Variants in SETBP1 observed in about 807,000 individuals in gnomAD.
SETBP1 encodes the protein SET binding protein 1.
A neutral mutation model predicts 101.0 loss-of-function variants in SETBP1; 9 were observed. The ratio of observed to expected loss-of-function variants is 0.09; its 90% CI spans 0.05 to 0.16. SETBP1 has a LOEUF of 0.16. Among genes scored for constraint, SETBP1 ranks in the 10% least tolerant of loss-of-function variants. SETBP1 has a pLI of 1.00. For synonymous variants in SETBP1, 818 were observed against 788.5 expected (o/e 1.04, Z -0.63); for missense variants, 1,858 against 2,033.8 (o/e 0.91, Z 1.66).
At chr18:44,857,717 C>T (rs2073006304) in intron 2 of SETBP1, among the ~76,000 whole-genome samples, 2 of 152,086 alleles carry the variant, frequency 1.3e-5, no homozygotes. Flanking sequence ...CTGAATCAGC[C>T]AGAAATTCTG....
chr18:44,864,724 G>C lies in SETBP1; in HGVS notation c.487-4506G>C, dbSNP rs7238777. 5.3e-5 allele frequency among the ~76,000 whole-genome samples: 8 copies of C among 152,084 alleles called. No individual in the cohort carries two copies. The South Asian group carries it at 1.5e-3, about 28-fold the overall frequency. On this transcript the variant is annotated intron_variant, in intron 2 of 5. Coordinates refer to ENST00000649279, the MANE Select transcript of SETBP1 (RefSeq NM_015559.3). Reference sequence around the variant, plus strand: ...CCCTCTCGACCCTCTAGCTGGGAGCGGTGCGGACATTTAGCCATCCTGGGA... The same window carrying C: ...CCCTCTCGACCCTCTAGCTGGGAGCCGTGCGGACATTTAGCCATCCTGGGA...
intron 2 of SETBP1, among the ~76,000 whole-genome samples, chr18:44,740,159 C>T (rs1245774509): frequency 1.3e-5 from 2 of 152,162 alleles, no homozygotes; most frequent in Non-Finnish European, 2.9e-5. Context: ...CATTGTGAGT[C>T]ATAGGGCTCC....
chr18:44,820,372 A>T, intron 2 of SETBP1, among the ~76,000 whole-genome samples: 1 of 152,096 alleles, frequency 6.6e-6, no homozygotes, highest in Admixed American at 6.5e-5. Context: ...GTAGCTTTTG[A>T]CTGGGTACTT....
At chr18:44,830,247 C>T (rs985195962) in intron 2 of SETBP1, among the ~76,000 whole-genome samples, 3 of 152,108 alleles carry the variant, frequency 2.0e-5, no homozygotes, top group Non-Finnish European at 2.9e-5. Context: ...GACCATGGGA[C>T]GTTTATTTTG....
chr18:44,946,991 C>T (rs973654825), intron 3 of SETBP1, among the ~76,000 whole-genome samples: 1 of 152,130 alleles, frequency 6.6e-6, no homozygotes, highest in Non-Finnish European at 1.5e-5. Flanking sequence ...AAATACCTGT[C>T]GTAAAATGTA....
Position 44,952,928 on chromosome 18 carries a change from G to C in SETBP1, c.3588G>C (p.Glu1196Asp), listed in dbSNP as rs779614926. 1.2e-6 allele frequency: 2 copies of C among 1,614,184 alleles called. No homozygotes were observed. Among genetic ancestry groups the C allele is most frequent in the South Asian group, 1.1e-5 (1 of 91,082 alleles). ...AGCGGCTGAGTAGCGCAGACAAAGA[G>C]CTCCCGCTGGTGAGTGAGAAGAACA... is the stretch of plus-strand genomic sequence containing the variant. ...LSERLSSADK[E>D]LPLVSEKNKH... Residue 1196 changes from glutamate (E) to aspartate (D), a missense_variant, in exon 4 of 6, where the codon GAG becomes GAC. Transcript: ENST00000649279.
chr18:44,986,653 A>C (rs2072241989), intron 4 of SETBP1: 1 of 151,644 alleles, frequency 6.6e-6, no homozygotes, highest in African/African-American at 2.4e-5. Flanking sequence ...TTTTTGGTTA[A>C]AAACTGAGGC....
At chr18:44,935,402 C>A (rs2070936417) in intron 3 of SETBP1, among the ~76,000 whole-genome samples, 1 of 152,170 alleles carries the variant, frequency 6.6e-6, no homozygotes, top group African/African-American at 2.4e-5. Flanking sequence ...TCTTTCTTAT[C>A]TATTTTTTTC....
chr18:44,915,799 A>G (rs1056546710), intron 3 of SETBP1, among the ~76,000 whole-genome samples: 10 of 152,196 alleles, frequency 6.6e-5, no homozygotes, highest in Admixed American at 1.3e-4. Context: ...TTCTGTCCCC[A>G]TGAGATGACT....
At chr18:44,753,560 C>T (rs2070432629) in intron 2 of SETBP1, among the ~76,000 whole-genome samples, 10 of 152,250 alleles carry the variant, frequency 6.6e-5, no homozygotes. Context: ...CAGTCTCCCA[C>T]ACCCAAGGAA....
chr18:45,063,591 C>G lies in SETBP1; in HGVS notation c.4684C>G (p.Gln1562Glu). The change falls in exon 6 of 6, where the codon CAG becomes GAG. Residue 1562 changes from glutamine (Q) to glutamate (E), a missense_variant. Transcript: ENST00000649279. Reference sequence around the variant, plus strand: ...GAAACACAAACCGCAGGCCCCCGCTCAGCCCCCACAGCAGTCGCCCCCGCA... The same window carrying G: ...GAAACACAAACCGCAGGCCCCCGCTGAGCCCCCACAGCAGTCGCCCCCGCA... ...KRKHKPQAPAQPPQQSPPQQP... is the reference protein window; with the variant it reads ...KRKHKPQAPAEPPQQSPPQQP... 6.3e-7 allele frequency: 1 copy of G among 1,583,248 alleles called. No homozygotes were observed. Among genetic ancestry groups the G allele is most frequent in the Non-Finnish European group, 8.6e-7 (1 of 1,164,616 alleles).
chr18:45,001,406 G>A (rs750311043), intron 4 of SETBP1, among the ~76,000 whole-genome samples: 7 of 152,174 alleles, frequency 4.6e-5, no homozygotes, highest in African/African-American at 9.7e-5. Context: ...GCAGTTAAAT[G>A]ACAGTATTCT....
chr18:44,805,394 A>G (rs1353238687), intron 2 of SETBP1, among the ~76,000 whole-genome samples: 5 of 149,668 alleles, frequency 3.3e-5, no homozygotes, highest in African/African-American at 1.0e-4. Context: ...GTCCATGTGT[A>G]TGCACATGTA....
chr18:44,799,403 C>T (rs2071551647), intron 2 of SETBP1, among the ~76,000 whole-genome samples: 1 of 152,086 alleles, frequency 6.6e-6, no homozygotes, highest in Non-Finnish European at 1.5e-5. Flanking sequence ...CTATTAGATC[C>T]TGCAGCCACC....
At chr18:44,729,298 G>C (rs1278583468) in intron 2 of SETBP1, among the ~76,000 whole-genome samples, 1 of 152,240 alleles carries the variant, frequency 6.6e-6, no homozygotes, top group Non-Finnish European at 1.5e-5. Flanking sequence ...GCAGTGAGCA[G>C]ATCATAGGGG....
intron 2 of SETBP1, among the ~76,000 whole-genome samples, chr18:44,778,386 T>A (rs1450612944): frequency 6.6e-6 from 1 of 152,226 alleles, no homozygotes; most frequent in Admixed American, 6.5e-5. Context: ...AAACTTGGAC[T>A]TAGGGTTAAG....
At chr18:44,876,898 C>T in intron 3 of SETBP1, 4 of 1,384,304 alleles carry the variant, frequency 2.9e-6, no homozygotes, top group Non-Finnish European at 3.7e-6. Context: ...GACATTCTCT[C>T]TGGGTCTAAA....
At chr18:44,964,893 T>C (rs1469359947) in intron 4 of SETBP1, among the ~76,000 whole-genome samples, 1 of 152,184 alleles carries the variant, frequency 6.6e-6, no homozygotes, top group Non-Finnish European at 1.5e-5. Flanking sequence ...GATTTGCTCG[T>C]GATAACCTTT....
intron 2 of SETBP1, among the ~76,000 whole-genome samples, chr18:44,795,249 G>T (rs1374105385): frequency 6.6e-6 from 1 of 152,122 alleles, no homozygotes; most frequent in Non-Finnish European, 1.5e-5. Context: ...ATGGTGATGA[G>T]CCCTGAAATA....
Sources: gnomAD v4.1 joint callset for allele counts (sites outside exome capture counted in the v4.1 genomes callset) on GRCh38, gnomAD v4.1.1 for gene constraint, MANE v1.5 for transcripts, NCBI Gene and HGNC (gene_info 2026-07-23, HGNC 2026-07-21) for gene names.